RGL1: variants seen among roughly 807,000 people sequenced by gnomAD.
RGL1 encodes ral guanine nucleotide dissociation stimulator-like 1.
A neutral mutation model predicts 95.2 loss-of-function variants in RGL1; 24 were observed. The ratio of observed to expected loss-of-function variants is 0.25; its 90% CI spans 0.18 to 0.35. The LOEUF is 0.35. Ranked by LOEUF, RGL1 falls within the 10% of genes least tolerant of loss-of-function variation. RGL1 has a pLI of 1.00. For synonymous variants in RGL1, 329 were observed against 344.9 expected (o/e 0.95, Z 0.51); for missense variants, 715 against 936.3 (o/e 0.76, Z 3.08).
chr1:183,780,733 G>A (rs1367851983), intron 2 of RGL1, among the ~76,000 whole-genome samples: 3 of 152,198 alleles, frequency 2.0e-5, no homozygotes, highest in African/African-American at 7.2e-5. Context: ...ACTCTTTTGA[G>A]TCTCAGTTTT....
intron 1 of RGL1, among the ~76,000 whole-genome samples, chr1:183,662,676 A>G (rs1651728130): frequency 6.6e-6 from 1 of 152,234 alleles, no homozygotes; most frequent in Non-Finnish European, 1.5e-5. Flanking sequence ...CCATCAAGCT[A>G]CCAATGACCT....
rs74133021 is a variant in RGL1, at chr1:183,888,664, A to G, written c.1055+87A>G. ...TCCTCACCTTCAAAGCTTGTATCGC[A>G]TAACTAGAGAAACATATTTGAAATC... On this transcript the variant is annotated intron_variant, in intron 8 of 17. Transcript: ENST00000360851. 3,917 of 782,308 alleles carry G rather than the reference A, an allele frequency of 5.0e-3. 105 individuals carry two copies. The African/African-American group carries it at 0.061, about 12-fold the overall frequency. The allele number at this position is 782,308 out of a possible 1,614,324, so 48.5% of individuals were successfully genotyped here.
At chr1:183,849,076 T>TA (rs200559494) in intron 3 of RGL1, among the ~76,000 whole-genome samples, 2 of 147,152 alleles carry the variant, frequency 1.4e-5, no homozygotes, top group Admixed American at 6.7e-5. Context: ...CAATTTTCAT[T>TA]TAAAAAATTT....
At chr1:183,696,303 A>G (rs1290605427) in intron 1 of RGL1, among the ~76,000 whole-genome samples, 1 of 152,182 alleles carries the variant, frequency 6.6e-6, no homozygotes, top group African/African-American at 2.4e-5. Context: ...TGTCCTGACT[A>G]TCTCAAACTC....
At chr1:183,911,165 G>A (rs12083450) in intron 14 of RGL1, among the ~76,000 whole-genome samples, 33,774 of 152,020 alleles carry the variant, frequency 0.22, 4,203 homozygotes, top group Non-Finnish European at 0.27. Flanking sequence ...GTTTACTAGC[G>A]GTGTCACCGG....
intron 2 of RGL1, among the ~76,000 whole-genome samples, chr1:183,815,570 C>A (rs1662030505): frequency 6.6e-6 from 1 of 152,186 alleles, no homozygotes; most frequent in Non-Finnish European, 1.5e-5. Context: ...GGGGTATGTT[C>A]AGCAGGAGCC....
intron 1 of RGL1, among the ~76,000 whole-genome samples, chr1:183,683,806 C>A (rs1234294033): frequency 5.3e-5 from 8 of 152,178 alleles, no homozygotes; most frequent in Non-Finnish European, 1.2e-4. Flanking sequence ...GTACACCAAT[C>A]AAATGTAGGT....
chr1:183,918,874 C>T (rs1669150759), intron 16 of RGL1, among the ~76,000 whole-genome samples: 1 of 152,218 alleles, frequency 6.6e-6, no homozygotes, highest in Non-Finnish European at 1.5e-5. Context: ...CGTTAGGCCT[C>T]TCAGGAGAAA....
intron 4 of RGL1, among the ~76,000 whole-genome samples, chr1:183,873,932 G>A (rs182051502): frequency 1.9e-4 from 29 of 152,218 alleles, no homozygotes; most frequent in African/African-American, 2.9e-4. Flanking sequence ...CACTACCAAC[G>A]GAAACTCAGT....
At chr1:183,860,590 C>T (rs563573011) in intron 3 of RGL1, among the ~76,000 whole-genome samples, 12 of 152,284 alleles carry the variant, frequency 7.9e-5, no homozygotes, top group African/African-American at 2.9e-4. Context: ...CTGCAGGGCC[C>T]ACTTCCTCAC....
chr1:183,879,255 T>C (rs1462493332), intron 4 of RGL1, among the ~76,000 whole-genome samples: 1 of 152,246 alleles, frequency 6.6e-6, no homozygotes, highest in Non-Finnish European at 1.5e-5. Context: ...TTCTTTCTGT[T>C]TGTACTTCAA....
chr1:183,807,702 G>A (rs1009406942), intron 2 of RGL1, among the ~76,000 whole-genome samples: 3 of 152,172 alleles, frequency 2.0e-5, no homozygotes, highest in Admixed American at 6.5e-5. Context: ...TTTGGGCCAA[G>A]GTATCACCCA....
chr1:183,684,209 G>T (rs1653410726), intron 1 of RGL1, among the ~76,000 whole-genome samples: 1 of 152,086 alleles, frequency 6.6e-6, no homozygotes, highest in African/African-American at 2.4e-5. Flanking sequence ...TTGTTCCCTT[G>T]CTGGCGAGGA....
rs1237113207 is a variant in RGL1, at chr1:183,919,780, TG to T, written c.2005-2441del. On this transcript the variant is annotated intron_variant, in intron 16 of 17. Transcript: ENST00000360851. ...CCTTACACAGGGAATGCAGTATTTC[TG>T]TCACAGGAAAGTCAATGAGGGCGAC... Among the ~76,000 whole-genome samples the T allele has an allele frequency of 2.0e-5, 3 of 152,188 alleles. No homozygotes were observed. In the East Asian group the frequency reaches 5.8e-4, roughly 29 times the overall value.
chr1:183,698,084 C>T (rs185958538), intron 1 of RGL1, among the ~76,000 whole-genome samples: 153 of 152,326 alleles, frequency 1.0e-3, no homozygotes, highest in African/African-American at 3.6e-3. Context: ...CACACCAGTT[C>T]ATGAGGGACA....
intron 1 of RGL1, among the ~76,000 whole-genome samples, chr1:183,704,003 G>C (rs186246770): frequency 6.6e-6 from 1 of 152,304 alleles, no homozygotes; most frequent in East Asian, 1.9e-4. Context: ...GCCCTTCCTT[G>C]ACCTACCATG....
At chr1:183,888,376 A>G in intron 7 of RGL1, 98 bp from the exon 8 acceptor site, 1 of 736,688 alleles carries the variant, frequency 1.4e-6, no homozygotes, top group Non-Finnish European at 2.4e-6. Context: ...TGTGGTAAGA[A>G]TTCATAGCAG....
rs1365502158 is a variant in RGL1 at position 183,687,018 on chromosome 1, A to G, written c.-33+50517A>G. On this transcript the variant is annotated intron_variant, in intron 1 of 18. Transcript: ENST00000304685. Reference sequence around the variant, plus strand: ...TCTTCTTCAAGCGTGACATCAATCCATCAGCACATGCTGATTCTAACTACG... The same window carrying G: ...TCTTCTTCAAGCGTGACATCAATCCGTCAGCACATGCTGATTCTAACTACG... 2.0e-5 allele frequency among the ~76,000 whole-genome samples: 3 copies of G among 152,218 alleles called. No individual in the cohort carries two copies. In the East Asian group the frequency reaches 5.8e-4, roughly 29 times the overall value.
chr1:183,871,890 A>G (rs1462998809), intron 4 of RGL1, among the ~76,000 whole-genome samples: 3 of 152,234 alleles, frequency 2.0e-5, no homozygotes, highest in Non-Finnish European at 4.4e-5. Flanking sequence ...TAAGACAAGA[A>G]TGTGTTCAGT....
Sources: gnomAD v4.1 joint callset for allele counts (sites outside exome capture counted in the v4.1 genomes callset) on GRCh38, gnomAD v4.1.1 for gene constraint, MANE v1.5 for transcripts, NCBI Gene and HGNC (gene_info 2026-07-23, HGNC 2026-07-21) for gene names.